FANCI: variants seen among roughly 807,000 people sequenced by gnomAD.
FANCI encodes the protein Fanconi anemia group I protein.
Under a neutral mutation model 176.1 loss-of-function variants are expected in FANCI, and 156 were observed. The observed-to-expected ratio is 0.89, with a 90% CI of 0.78 to 1.01. The LOEUF (loss-of-function observed/expected upper bound fraction) is 1.01, where lower values mean the gene tolerates loss of function less well. Ranked by LOEUF, FANCI falls within the 50% of genes least tolerant of loss-of-function variation. The probability of loss-of-function intolerance (pLI) is 0.00; values close to 1 mark genes in which losing one functional copy is unlikely to be tolerated. For missense variants in FANCI, 1,678 were observed against 1,534.1 expected (o/e 1.09, Z -1.57); for synonymous variants, 613 against 541.7 (o/e 1.13, Z -1.83).
chr15:89,278,807 T>TA (rs759809221), intron 14 of FANCI, 33 bp downstream of exon 14: 5 of 1,552,320 alleles, frequency 3.2e-6, no homozygotes, highest in Non-Finnish European at 4.4e-6. Context: ...ATAAAGTTTT[T>TA]AGAAATATTT....
rs2151297988 is a variant in FANCI, at chr15:89,263,991, C to T, written c.634C>T (p.Pro212Ser). Residue 212 changes from proline (P) to serine (S), a missense_variant, in exon 8 of 38, where the codon CCT (proline) becomes TCT (serine). Around this residue, in one of 3 missense-constraint regions of FANCI, gnomAD observed 469 missense variants for 436.9 expected, o/e 1.07. Transcript: ENST00000310775. ...CAAGATGAATCTTCAAGAAATACCACCTTTGGTCTATCAGCTTCTGGTTCT... is the reference window on the plus strand; with the variant it reads ...CAAGATGAATCTTCAAGAAATACCATCTTTGGTCTATCAGCTTCTGGTTCT... The part of the protein sequence containing the change: ...FSKMNLQEIP[P>S]LVYQLLVLSS... 1.2e-6 allele frequency: 2 copies of T among 1,614,058 alleles called. No homozygotes were observed. The highest frequency in any genetic ancestry group is 1.7e-6 in the Non-Finnish European group (2 of 1,179,950).
chr15:89,309,156 C>T (rs1323288222), intron 34 of FANCI, among the ~76,000 whole-genome samples: 1 of 152,188 alleles, frequency 6.6e-6, no homozygotes, highest in Non-Finnish European at 1.5e-5. Context: ...TTCTGGTCCT[C>T]TCCTTTTATC....
chr15:89,296,614 A>G (rs80010578), intron 24 of FANCI, among the ~76,000 whole-genome samples: 23 of 152,172 alleles, frequency 1.5e-4, no homozygotes, highest in African/African-American at 5.3e-4. Context: ...AGACATGGCA[A>G]CCATCCGATT....
At chr15:89,307,821 G>C in intron 34 of FANCI, 149 bp downstream of exon 34, 2 of 1,522,412 alleles carry the variant, frequency 1.3e-6, no homozygotes, top group South Asian at 1.2e-5. Context: ...CCAAGCCAAG[G>C]CTTGAGGGCT....
In FANCI at chr15:89,317,064, C is replaced by CAGTT; in HGVS notation, c.*606_*609dup. 2 of 590,312 alleles carry CAGTT rather than the reference C, an allele frequency of 3.4e-6. No homozygotes were observed. Among genetic ancestry groups the CAGTT allele is most frequent in the Non-Finnish European group, 6.0e-6 (2 of 334,246 alleles). The allele number at this position is 590,312 out of a possible 1,614,324, so 36.6% of individuals were successfully genotyped here. A position where few individuals can be genotyped will look rare whatever the true frequency, so the allele number is the denominator to read the frequency against. ...ATTTACTTGTTTGGTATTTAAAGCA[C>CAGTT]AGTTTGTTTTTCTGTCACCTATAGA... is the stretch of plus-strand genomic sequence containing the variant. On this transcript the variant is annotated 3_prime_UTR_variant, in exon 38 of 38. Coordinates refer to ENST00000310775, the MANE Select transcript of FANCI (RefSeq NM_001113378.2).
rs149971678 is a variant in FANCI, at chr15:89,289,301, G to A, written c.1822-912G>A. 6.7e-3 allele frequency among the ~76,000 whole-genome samples: 1,014 copies of A among 150,744 alleles called. 10 individuals are homozygous for A. The highest frequency in any genetic ancestry group is 0.023 in the African/African-American group (945 of 41,062). ...TTCCTTTCCCCTTTCCCCTTTTTCC[G>A]TTTTCCTTTCCTTTCCGATGGAGTC... On this transcript the variant is annotated intron_variant, in intron 18 of 37. Coordinates refer to ENST00000310775, the MANE Select transcript of FANCI (RefSeq NM_001113378.2).
intron 24 of FANCI, among the ~76,000 whole-genome samples, chr15:89,299,581 T>A (rs1368001431): frequency 6.6e-6 from 1 of 152,170 alleles, no homozygotes; most frequent in African/African-American, 2.4e-5. Context: ...AGAAATTAGA[T>A]CAGTAGTTGC....
chr15:89,314,154 T>C (rs1487087372), intron 35 of FANCI, among the ~76,000 whole-genome samples: 20 of 91,562 alleles, frequency 2.2e-4, no homozygotes, highest in African/African-American at 1.0e-3. Context: ...CACACAAAAA[T>C]GTAGGACCTT....
intron 2 of FANCI, among the ~76,000 whole-genome samples, chr15:89,253,439 C>T (rs1398294829): frequency 1.3e-5 from 2 of 152,040 alleles, no homozygotes; most frequent in East Asian, 1.9e-4. Context: ...GCTTGAGCCA[C>T]GAGGTTCAGA....
rs577400634 is a variant in FANCI, at chr15:89,283,997, G to A, written c.1698+747G>A. The stretch of plus-strand genomic sequence containing the variant: ...CAGGAGGTCTCGATCTCCTGACCTC[G>A]TGATCCACCCGCCTCGGCCTCCCAA... On this transcript the variant is annotated intron_variant, in intron 17 of 37. Transcript: ENST00000310775. Among the ~76,000 whole-genome samples the A allele has an allele frequency of 9.2e-5, 14 of 152,044 alleles. No individual in the cohort carries two copies. In the East Asian group the frequency reaches 1.5e-3, roughly 17 times the overall value.
In FANCI at chr15:89,285,080, C is replaced by T. The variant is rs937157667; in HGVS notation, c.1699-16C>T. 7 of 1,613,758 alleles carry T rather than the reference C, an allele frequency of 4.3e-6. No homozygotes were observed. The highest frequency in any genetic ancestry group is 5.9e-6 in the Non-Finnish European group (7 of 1,179,826). ...CTTTGGTAAGATAGACGTGAATTGG[C>T]CTGTCTTCCTTTCAGGTTCATGTGG... On this transcript the variant is annotated splice_polypyrimidine_tract_variant and intron_variant, in intron 17 of 37. Transcript: ENST00000310775.
At chr15:89,296,909 G>A (rs543963187) in intron 24 of FANCI, among the ~76,000 whole-genome samples, 13 of 142,624 alleles carry the variant, frequency 9.1e-5, no homozygotes, top group African/African-American at 3.1e-4. Flanking sequence ...GCGGCTGGCC[G>A]GGCGGGGGGC....
Position 89,306,033 on chromosome 15 carries a change from C to T in FANCI, c.3376C>T (p.Pro1126Ser), listed in dbSNP as rs763343209. 9 of 1,614,066 alleles carry T rather than the reference C, an allele frequency of 5.6e-6. No individual in the cohort carries two copies. Among genetic ancestry groups the T allele is most frequent in the Non-Finnish European group, 7.6e-6 (9 of 1,180,040 alleles). ...AGAGGCCTCTTCTCAGGCAACCCTA[C>T]CAAATCAGCCTGTTGAGAAAGCTAT... is the stretch of plus-strand genomic sequence containing the variant. Reference protein sequence around the residue: ...SEEASSQATLPNQPVEKAIIM... With the variant: ...SEEASSQATLSNQPVEKAIIM... The change falls in exon 32 of 38, where the codon CCA becomes TCA. Residue 1126 changes from proline to serine, a missense_variant. By Grantham distance (74) the Pro-to-Ser change is moderately conservative (BLOSUM62 -1). This residue lies in a region of FANCI where 1,204 missense variants were observed against 1,077.4 expected (regional missense o/e 1.12). Coordinates refer to ENST00000310775, the MANE Select transcript of FANCI (RefSeq NM_001113378.2).
At chr15:89,287,638 A>G (rs976668822) in intron 18 of FANCI, among the ~76,000 whole-genome samples, 17 of 152,194 alleles carry the variant, frequency 1.1e-4, no homozygotes, top group African/African-American at 3.4e-4. Flanking sequence ...ATGCCTTACT[A>G]AACTGGATCA....
At chr15:89,311,277 G>A (rs2054948316) in intron 34 of FANCI, among the ~76,000 whole-genome samples, 1 of 151,690 alleles carries the variant, frequency 6.6e-6, no homozygotes, top group Non-Finnish European at 1.5e-5. Context: ...AAATTAGCCG[G>A]GCATGGTAGT....
At chr15:89,303,301 A>G (rs770281650) in intron 27 of FANCI, among the ~76,000 whole-genome samples, 4 of 152,232 alleles carry the variant, frequency 2.6e-5, no homozygotes, top group Admixed American at 2.6e-4. Context: ...GCTGAAGCAG[A>G]AAGTTGACTG....
chr15:89,264,122 CAT>C (rs1284833527), intron 8 of FANCI, 96 bp downstream of exon 8: 2 of 1,287,892 alleles, frequency 1.6e-6, no homozygotes, highest in African/African-American at 3.1e-5. Context: ...GCAGAGCAAA[CAT>C]AGCCGAACAT....
chr15:89,270,291 G>A (rs1434734317), intron 10 of FANCI, among the ~76,000 whole-genome samples: 2 of 152,158 alleles, frequency 1.3e-5, no homozygotes, highest in African/African-American at 2.4e-5. Flanking sequence ...TATTTGTGAG[G>A]CTGAATCATT....
chr15:89,299,915 G>T lies in FANCI; in HGVS notation c.2752G>T (p.Ala918Ser), dbSNP rs1278777647. 6.2e-7 allele frequency: 1 copy of T among 1,614,100 alleles called. No homozygotes were observed. The highest frequency in any genetic ancestry group is 1.6e-4 in the Middle Eastern group (1 of 6,062). ...CLEGLQKIFS[A>S]VQQFYQPKIQ... Reference sequence around the variant, plus strand: ...GGAGGGTTTACAGAAAATATTCAGTGCTGTGCAACAGTTCTATCAGCCCAA... The same window carrying T: ...GGAGGGTTTACAGAAAATATTCAGTTCTGTGCAACAGTTCTATCAGCCCAA... The change falls in exon 25 of 38, where the codon GCT (alanine) becomes TCT (serine). Residue 918 changes from alanine to serine, a missense_variant. Physicochemically the swap from Ala to Ser is moderately conservative, Grantham distance 99 (BLOSUM62 1). Around this residue, in one of 3 missense-constraint regions of FANCI, gnomAD observed 1,204 missense variants for 1,077.4 expected, o/e 1.12. Coordinates refer to ENST00000310775, the MANE Select transcript of FANCI (RefSeq NM_001113378.2).
Sources: gnomAD v4.1 joint callset for allele counts (sites outside exome capture counted in the v4.1 genomes callset) on GRCh38, gnomAD v4.1.1 for gene constraint, gnomAD v4.1.1 regional missense constraint, MANE v1.5 for transcripts, NCBI Gene and HGNC (gene_info 2026-07-23, HGNC 2026-07-21) for gene names.